The following SNTB1 variants were observed in gnomAD, a reference collection of about 807,000 sequenced individuals.
The protein encoded by SNTB1 is beta-1-syntrophin.
A neutral mutation model predicts 48.9 loss-of-function variants in SNTB1; 36 were observed. The observed-to-expected ratio is 0.74, with a 90% CI of 0.56 to 0.97. SNTB1 has a LOEUF of 0.97. SNTB1 is among the 50% of genes least tolerant of loss of function. The pLI is 0.00. For missense variants in SNTB1, 786 were observed against 703.4 expected, an observed-to-expected ratio of 1.12 and a Z score of -1.33; for synonymous variants, 299 against 294.6, an observed-to-expected ratio of 1.01 and a Z score of -0.15.
chr8:120,754,514 C>T (rs1427389790), intron 1 of SNTB1, among the ~76,000 whole-genome samples: 1 of 151,952 alleles, frequency 6.6e-6, no homozygotes, highest in Non-Finnish European at 1.5e-5. Flanking sequence ...AAAAAGAAAT[C>T]TAGTTCTGGG....
In SNTB1 at chr8:120,811,514, C is replaced by T. The variant is rs1820432726; in HGVS notation, c.330G>A (p.Lys110=). Residue 110 remains lysine, a synonymous_variant, in exon 1 of 7, where the codon AAG becomes AAA. Transcript: ENST00000517992. ...EQVPESISNQ[K]RGVKVLKQEL... Reference sequence around the variant, plus strand: ...CCTGCTTCAGCACCTTCACGCCACGCTTCTGGTTCGAGATGGACTCGGGCA... The same window carrying T: ...CCTGCTTCAGCACCTTCACGCCACGTTTCTGGTTCGAGATGGACTCGGGCA... 1.2e-6 allele frequency: 2 copies of T among 1,613,226 alleles called. No homozygotes were observed. Among genetic ancestry groups the T allele is most frequent in the East Asian group, 4.5e-5 (2 of 44,796 alleles).
In SNTB1 at chr8:120,547,522, G is replaced by A. The variant is rs541440766; in HGVS notation, c.1333+1240C>T. On this transcript the variant is annotated intron_variant, in intron 5 of 6. Transcript: ENST00000517992. ...TGAGGCAGGAGAATTGCTTGAATCC[G>A]TGAGATGGAGGTCGCAGTGAGATCA... 1.0e-4 allele frequency among the ~76,000 whole-genome samples: 15 copies of A among 149,204 alleles called. No homozygotes were observed. In the South Asian group the frequency reaches 2.4e-3, roughly 23 times the overall value.
chr8:120,719,374 G>T (rs1818615878), intron 1 of SNTB1, among the ~76,000 whole-genome samples: 1 of 152,144 alleles, frequency 6.6e-6, no homozygotes, highest in East Asian at 1.9e-4. Flanking sequence ...TCAGCTTTGG[G>T]ACTTGGACTG....
chr8:120,560,661 A>G (rs190773837), intron 4 of SNTB1, among the ~76,000 whole-genome samples: 333 of 152,318 alleles, frequency 2.2e-3, no homozygotes, highest in African/African-American at 7.6e-3. Flanking sequence ...CTGACTATTC[A>G]GTGGCATTAT....
At chr8:120,673,889 T>C (rs992894737) in intron 2 of SNTB1, among the ~76,000 whole-genome samples, 1 of 151,904 alleles carries the variant, frequency 6.6e-6, no homozygotes, top group African/African-American at 2.4e-5. Context: ...AAGTAGGGAG[T>C]CGACCTAAGA....
chr8:120,648,530 A>T (rs1456455941), intron 2 of SNTB1, among the ~76,000 whole-genome samples: 7 of 152,050 alleles, frequency 4.6e-5, no homozygotes, highest in Non-Finnish European at 1.0e-4. Flanking sequence ...TTCTGCCGAG[A>T]CATCTGCTGT....
At chr8:120,569,708 G>T (rs1018899747) in intron 4 of SNTB1, among the ~76,000 whole-genome samples, 2 of 152,212 alleles carry the variant, frequency 1.3e-5, no homozygotes, top group Non-Finnish European at 2.9e-5. Flanking sequence ...TAGAATTTTG[G>T]TGGTGATGGG....
At chr8:120,659,155 G>A (rs541550100) in intron 2 of SNTB1, among the ~76,000 whole-genome samples, 1 of 151,980 alleles carries the variant, frequency 6.6e-6, no homozygotes, top group South Asian at 2.1e-4. Context: ...GTAGAGACAG[G>A]GTTTCACCAT....
rs544046309 is a variant in SNTB1, at chr8:120,722,325, T to A, written c.572-28417A>T. ...AGATCCTTGAGGAATCGCCACACTG[T>A]CTTCCACAATGGTTGAACTAGTTTA... On this transcript the variant is annotated intron_variant, in intron 1 of 6. Transcript: ENST00000517992. 5.3e-5 allele frequency among the ~76,000 whole-genome samples: 8 copies of A among 152,342 alleles called. No individual in the cohort carries two copies. In the East Asian group the frequency reaches 5.8e-4, roughly 11 times the overall value.
At chr8:120,739,166 A>C (rs1819001359) in intron 1 of SNTB1, among the ~76,000 whole-genome samples, 1 of 152,228 alleles carries the variant, frequency 6.6e-6, no homozygotes, top group South Asian at 2.1e-4. Context: ...CTCTGGAAAA[A>C]CCCCAATGCA....
chr8:120,601,392 T>C (rs1397349293), intron 3 of SNTB1, among the ~76,000 whole-genome samples: 2 of 152,168 alleles, frequency 1.3e-5, no homozygotes, highest in South Asian at 2.1e-4. Context: ...TGAAATTATC[T>C]TCAAAAACAA....
chr8:120,575,253 A>C (rs1384234820), intron 3 of SNTB1, 28 bp from the exon 4 acceptor site: 1 of 1,613,998 alleles, frequency 6.2e-7, no homozygotes, highest in South Asian at 1.1e-5. Flanking sequence ...GAACTGTCAA[A>C]TGACAGCCTG....
At chr8:120,646,747 T>C (rs1466625532) in intron 2 of SNTB1, among the ~76,000 whole-genome samples, 1 of 152,080 alleles carries the variant, frequency 6.6e-6, no homozygotes, top group Non-Finnish European at 1.5e-5. Flanking sequence ...ATGGTACCAG[T>C]TCCTCCTTGT....
intron 2 of SNTB1, among the ~76,000 whole-genome samples, chr8:120,659,378 G>T (rs535628562): frequency 6.6e-6 from 1 of 152,044 alleles, no homozygotes; most frequent in Non-Finnish European, 1.5e-5. Flanking sequence ...CATAAGAAAC[G>T]ACGCCTGCAT....
intron 1 of SNTB1, among the ~76,000 whole-genome samples, chr8:120,793,559 C>T (rs1453232863): frequency 6.6e-6 from 1 of 151,976 alleles, no homozygotes; most frequent in Non-Finnish European, 1.5e-5. Flanking sequence ...ATGAAGTATT[C>T]CACTCAAGGA....
chr8:120,636,011 CT>C, intron 2 of SNTB1: 2 of 981,496 alleles, frequency 2.0e-6, no homozygotes, highest in Non-Finnish European at 2.8e-6. Context: ...ACCAGAAGAT[CT>C]TTTGCAAGAT....
intron 3 of SNTB1, among the ~76,000 whole-genome samples, chr8:120,581,918 C>G (rs921013240): frequency 1.3e-5 from 2 of 152,064 alleles, no homozygotes; most frequent in South Asian, 2.1e-4. Context: ...GCCTGTAATC[C>G]CAGCTATTTG....
At chr8:120,802,713 G>A (rs930856122) in intron 1 of SNTB1, among the ~76,000 whole-genome samples, 2 of 151,980 alleles carry the variant, frequency 1.3e-5, no homozygotes, top group African/African-American at 4.8e-5. Context: ...AAGTATTATT[G>A]GGAAGTAATT....
chr8:120,596,551 A>G (rs1816328860), intron 3 of SNTB1, among the ~76,000 whole-genome samples: 1 of 152,120 alleles, frequency 6.6e-6, no homozygotes, highest in South Asian at 2.1e-4. Context: ...TGGAGGCCCT[A>G]GAGGAGAATC....
Sources: allele counts gnomAD v4.1 joint callset (sites outside exome capture counted in the v4.1 genomes callset), GRCh38; gene constraint gnomAD v4.1.1; transcripts MANE v1.5; gene names NCBI Gene and HGNC (gene_info 2026-07-23, HGNC 2026-07-21).